PCDHA8: variants seen among roughly 807,000 people sequenced by gnomAD.
The protein encoded by PCDHA8 is protocadherin alpha 8.
In PCDHA8, 53 loss-of-function variants were observed where a neutral mutation model predicts 61.8. The observed-to-expected ratio is 0.86, with a 90% CI of 0.69 to 1.08. The LOEUF is 1.08. Among genes scored for constraint, PCDHA8 ranks in the 50% least tolerant of loss-of-function variants. The probability of loss-of-function intolerance (pLI) is 0.00; values close to 1 mark genes in which losing one functional copy is unlikely to be tolerated. For missense variants in PCDHA8, 1,293 were observed against 1,245.0 expected, an observed-to-expected ratio of 1.04 and a Z score of -0.58; for synonymous variants, 618 against 556.6, an observed-to-expected ratio of 1.11 and a Z score of -1.55.
At chr5:140,860,434 C>A (rs1562553401) in intron 1 of PCDHA8, 1 of 152,038 alleles carries the variant, frequency 6.6e-6, no homozygotes, top group Non-Finnish European at 1.5e-5. Context: ...CAAATATGAT[C>A]TTTTTCATAT....
chr5:140,998,755 A>G (rs940678929), intron 3 of PCDHA8, among the ~76,000 whole-genome samples: 2 of 152,062 alleles, frequency 1.3e-5, no homozygotes, highest in African/African-American at 4.8e-5. Flanking sequence ...GAAGAGACAC[A>G]GTTTCACTAT....
At chr5:140,905,986 T>G (rs2072268646) in intron 1 of PCDHA8, among the ~76,000 whole-genome samples, 1 of 152,198 alleles carries the variant, frequency 6.6e-6, no homozygotes, top group Non-Finnish European at 1.5e-5. Flanking sequence ...GGGAGAAAGA[T>G]GTAGGCTGGG....
chr5:140,956,706 G>A (rs1166051458), intron 1 of PCDHA8, among the ~76,000 whole-genome samples: 2 of 152,172 alleles, frequency 1.3e-5, no homozygotes, highest in African/African-American at 4.8e-5. Flanking sequence ...GTTTGGAATA[G>A]CTTCAGAAGA....
chr5:140,876,408 G>C (rs781814727), intron 1 of PCDHA8: 1 of 1,613,942 alleles, frequency 6.2e-7, no homozygotes, highest in South Asian at 1.1e-5. Flanking sequence ...ATTTTGAAGA[G>C]AATAATGCCT....
chr5:140,996,237 G>T (rs1169717703), intron 3 of PCDHA8, among the ~76,000 whole-genome samples: 1 of 152,186 alleles, frequency 6.6e-6, no homozygotes, highest in Non-Finnish European at 1.5e-5. Context: ...GTTGCTCAAG[G>T]CTGAGAAGTG....
intron 1 of PCDHA8, chr5:140,851,881 T>C: frequency 1.0e-6 from 1 of 977,870 alleles, no homozygotes; most frequent in Non-Finnish European, 1.2e-6. Context: ...GGCAGAAATC[T>C]GGATATGAGA....
chr5:140,966,803 C>G, intron 1 of PCDHA8: 1 of 1,542,484 alleles, frequency 6.5e-7, no homozygotes, highest in Non-Finnish European at 8.7e-7. Context: ...GGCGACAGAG[C>G]ATCCACGGCT....
intron 3 of PCDHA8, among the ~76,000 whole-genome samples, chr5:140,986,736 A>G (rs1056820843): frequency 1.3e-5 from 2 of 152,206 alleles, no homozygotes; most frequent in Non-Finnish European, 2.9e-5. Flanking sequence ...TCAAGACCCC[A>G]GGGGATCTGG....
intron 1 of PCDHA8, among the ~76,000 whole-genome samples, chr5:140,917,501 A>G (rs557906425): frequency 6.6e-6 from 1 of 152,020 alleles, no homozygotes; most frequent in East Asian, 1.9e-4. Context: ...CCAGAATGAT[A>G]TTTTCTAGGT....
chr5:140,926,903 G>C (rs369906778), intron 1 of PCDHA8: 13 of 1,557,942 alleles, frequency 8.3e-6, no homozygotes, highest in African/African-American at 1.4e-5. Flanking sequence ...ATGGTGGGCT[G>C]TGGGGTGGCA....
intron 1 of PCDHA8, chr5:140,865,867 G>A (rs1382471078): frequency 7.9e-5 from 12 of 152,202 alleles, no homozygotes; most frequent in South Asian, 2.1e-4. Flanking sequence ...ACATGGTCTC[G>A]GCTAGGAAAA....
intron 3 of PCDHA8, among the ~76,000 whole-genome samples, chr5:141,002,620 A>G (rs553505520): frequency 6.8e-4 from 104 of 152,336 alleles, no homozygotes; most frequent in African/African-American, 2.4e-3. Flanking sequence ...CACATAACAC[A>G]GACAGAGATA....
chr5:140,874,039 GTGA>G (rs1372721490), intron 1 of PCDHA8, among the ~76,000 whole-genome samples: 1 of 152,152 alleles, frequency 6.6e-6, no homozygotes, highest in African/African-American at 2.4e-5. Context: ...AAGAAACTTG[GTGA>G]TGATATTAGA....
intron 1 of PCDHA8, chr5:140,870,333 C>T (rs564033882): frequency 1.2e-6 from 2 of 1,614,164 alleles, no homozygotes; most frequent in South Asian, 2.2e-5. Flanking sequence ...TGCTGGACAG[C>T]GCCCTGGACC....
chr5:140,902,615 G>C (rs2153477614), intron 1 of PCDHA8, among the ~76,000 whole-genome samples: 1 of 152,128 alleles, frequency 6.6e-6, no homozygotes, highest in Admixed American at 6.6e-5. Context: ...AGTTACATGG[G>C]TAAGTTATTT....
intron 1 of PCDHA8, chr5:140,848,793 G>T: frequency 6.3e-7 from 1 of 1,592,844 alleles, no homozygotes; most frequent in African/African-American, 1.3e-5. Context: ...CGGGCGGAGC[G>T]CGGAGTGCAG....
chr5:140,969,184 C>A (rs1381646688), intron 1 of PCDHA8: 1 of 1,613,998 alleles, frequency 6.2e-7, no homozygotes, highest in Non-Finnish European at 8.5e-7. Flanking sequence ...GTGACACTTT[C>A]ATGTTTTACA....
chr5:140,928,785 G>A, intron 1 of PCDHA8: 1 of 1,614,144 alleles, frequency 6.2e-7, no homozygotes, highest in Middle Eastern at 1.6e-4. Context: ...ATGCAGTTAA[G>A]CAGAGGGTGG....
At chr5:140,846,796 C>G (rs1200474608) in intron 1 of PCDHA8, among the ~76,000 whole-genome samples, 1 of 149,304 alleles carries the variant, frequency 6.7e-6, no homozygotes, top group African/African-American at 2.5e-5. Context: ...GAGCCCCAGC[C>G]CCTGGCTTTA....
Sources: gnomAD v4.1 joint callset for allele counts (sites outside exome capture counted in the v4.1 genomes callset) on GRCh38, gnomAD v4.1.1 for gene constraint, MANE v1.5 for transcripts, NCBI Gene and HGNC (gene_info 2026-07-23, HGNC 2026-07-21) for gene names.